The following TBC1D5 variants were observed in gnomAD, a reference collection of about 807,000 sequenced individuals.
TBC1D5 encodes the protein TBC1 domain family member 5.
In TBC1D5, 75 loss-of-function variants were observed where a neutral mutation model predicts 100.3. The ratio of observed to expected loss-of-function variants is 0.75; its 90% confidence interval spans 0.62 to 0.91. The LOEUF (loss-of-function observed/expected upper bound fraction) is 0.91. Ranked by LOEUF, TBC1D5 falls within the 40% of genes least tolerant of loss-of-function variation. The pLI is 0.00. For missense variants in TBC1D5, 910 were observed against 942.4 expected (o/e 0.97, Z 0.45); for synonymous variants, 323 against 325.6 (o/e 0.99, Z 0.09).
intron 18 of TBC1D5, among the ~76,000 whole-genome samples, chr3:17,188,235 C>A (rs777574203): frequency 2.6e-5 from 4 of 152,124 alleles, no homozygotes; most frequent in Non-Finnish European, 4.4e-5. Context: ...GTGTAGCAGT[C>A]CAGGGCACTT....
At chr3:17,418,674 C>A (rs565471733) in intron 4 of TBC1D5, among the ~76,000 whole-genome samples, 73 of 151,932 alleles carry the variant, frequency 4.8e-4, no homozygotes, top group African/African-American at 1.7e-3. Flanking sequence ...TATAAAATAG[C>A]AGTTCATGTA....
chr3:17,509,653 A>G (rs765131635), intron 2 of TBC1D5, among the ~76,000 whole-genome samples: 2 of 152,032 alleles, frequency 1.3e-5, no homozygotes, highest in Admixed American at 1.3e-4. Context: ...ACATGCTTTA[A>G]GTATTAAGAG....
At chr3:17,544,083 T>C (rs1352900238) in intron 2 of TBC1D5, among the ~76,000 whole-genome samples, 9 of 151,992 alleles carry the variant, frequency 5.9e-5, no homozygotes, top group Non-Finnish European at 1.0e-4. Flanking sequence ...TTGGCCAAGA[T>C]GGTCTCAATC....
At chr3:17,548,825 C>G (rs945132591) in intron 2 of TBC1D5, among the ~76,000 whole-genome samples, 1 of 152,100 alleles carries the variant, frequency 6.6e-6, no homozygotes, top group Non-Finnish European at 1.5e-5. Flanking sequence ...ACAAAACATA[C>G]AATTAAAATA....
chr3:17,497,645 T>C (rs2095731326), intron 3 of TBC1D5, among the ~76,000 whole-genome samples: 1 of 152,330 alleles, frequency 6.6e-6, no homozygotes, highest in Non-Finnish European at 1.5e-5. Flanking sequence ...TTGGCTAAAA[T>C]CAGTCCTATT....
At chr3:17,578,262 T>C (rs943637082) in intron 2 of TBC1D5, among the ~76,000 whole-genome samples, 2 of 152,000 alleles carry the variant, frequency 1.3e-5, no homozygotes, top group African/African-American at 2.4e-5. Context: ...GCTTCAGAAG[T>C]GTGAAATGCA....
chr3:17,412,091 G>C (rs189724951), intron 4 of TBC1D5, among the ~76,000 whole-genome samples: 21 of 152,306 alleles, frequency 1.4e-4, no homozygotes, highest in Admixed American at 2.6e-4. Context: ...CAAAGTTAAA[G>C]AGTGGACAGA....
At chr3:17,324,549 C>A (rs1424807141) in intron 13 of TBC1D5, among the ~76,000 whole-genome samples, 1 of 152,030 alleles carries the variant, frequency 6.6e-6, no homozygotes, top group Admixed American at 6.5e-5. Context: ...GAGGCTTAGG[C>A]AGAAGAATTG....
At chr3:17,415,692 C>G (rs528917024) in intron 4 of TBC1D5, among the ~76,000 whole-genome samples, 1 of 152,132 alleles carries the variant, frequency 6.6e-6, no homozygotes, top group East Asian at 1.9e-4. Flanking sequence ...TAATAAAGGA[C>G]TGGCATTTAG....
rs936358969 is a variant in TBC1D5, at chr3:17,625,008, G to A, written c.-100-1095C>T. 3.3e-5 allele frequency among the ~76,000 whole-genome samples: 5 copies of A among 151,920 alleles called. No homozygotes were observed. The East Asian group carries it at 9.6e-4, about 29-fold the overall frequency. On this transcript the variant is annotated intron_variant, in intron 1 of 21. Transcript: ENST00000253692. The stretch of plus-strand genomic sequence containing the variant: ...GCCTTAAAGTCCTTGGTAAACCACC[G>A]GAAGCAAGTAAAATGTGCTCAAATA...
chr3:17,170,575 C>T (rs1013716288), intron 19 of TBC1D5, among the ~76,000 whole-genome samples: 4 of 152,150 alleles, frequency 2.6e-5, no homozygotes, highest in African/African-American at 9.7e-5. Flanking sequence ...GCCACATTGC[C>T]TGGCTTCTGC....
intron 19 of TBC1D5, among the ~76,000 whole-genome samples, chr3:17,177,814 G>A (rs1002590736): frequency 2.0e-5 from 3 of 151,818 alleles, no homozygotes; most frequent in Non-Finnish European, 4.4e-5. Flanking sequence ...ATTTTGATAC[G>A]GGCATGTAAT....
chr3:17,573,711 C>G (rs1379349342), intron 2 of TBC1D5, among the ~76,000 whole-genome samples: 2 of 151,980 alleles, frequency 1.3e-5, no homozygotes, highest in East Asian at 3.9e-4. Flanking sequence ...TTTCAACATT[C>G]TTCATATACA....
intron 1 of TBC1D5, among the ~76,000 whole-genome samples, chr3:17,737,037 C>T (rs1480155965): frequency 6.6e-6 from 1 of 151,860 alleles, no homozygotes; most frequent in Non-Finnish European, 1.5e-5. Flanking sequence ...ACAAAAAAAA[C>T]ACTTCCCACC....
intron 4 of TBC1D5, among the ~76,000 whole-genome samples, chr3:17,428,206 C>G (rs753908183): frequency 6.6e-6 from 1 of 151,756 alleles, no homozygotes; most frequent in Non-Finnish European, 1.5e-5. Context: ...ACAACAGATA[C>G]TGCAGTAAGT....
chr3:17,341,245 G>A (rs1277656686), intron 13 of TBC1D5, among the ~76,000 whole-genome samples: 1 of 151,922 alleles, frequency 6.6e-6, no homozygotes, highest in African/African-American at 2.4e-5. Flanking sequence ...CGCCCAGGCT[G>A]GAGTGCAGTG....
chr3:17,373,900 G>A (rs73817285), intron 12 of TBC1D5, among the ~76,000 whole-genome samples: 1,709 of 152,028 alleles, frequency 0.011, 29 homozygotes, highest in African/African-American at 0.038. Context: ...CTTTTTGGGT[G>A]ATTAAAAAAA....
At chr3:17,347,577 C>G (rs904923897) in intron 13 of TBC1D5, among the ~76,000 whole-genome samples, 3 of 151,774 alleles carry the variant, frequency 2.0e-5, no homozygotes, top group African/African-American at 7.3e-5. Context: ...TAATAATAAA[C>G]ATGCCTCACT....
chr3:17,706,675 A>C (rs895575507), intron 1 of TBC1D5, among the ~76,000 whole-genome samples: 2 of 152,104 alleles, frequency 1.3e-5, no homozygotes, highest in Non-Finnish European at 2.9e-5. Context: ...AATTATCTTA[A>C]AAGGTTATGA....
Sources: allele counts gnomAD v4.1 joint callset (sites outside exome capture counted in the v4.1 genomes callset), GRCh38; gene constraint gnomAD v4.1.1; transcripts MANE v1.5; gene names NCBI Gene and HGNC (gene_info 2026-07-23, HGNC 2026-07-21).